Variants in AGPAT5 observed in about 807,000 individuals in gnomAD.
AGPAT5 encodes the protein 1-acyl-sn-glycerol-3-phosphate acyltransferase epsilon.
Under a neutral mutation model 45.6 loss-of-function variants are expected in AGPAT5, and 46 were observed. The ratio of observed to expected loss-of-function variants is 1.01; its 90% CI spans 0.80 to 1.29. AGPAT5 has a LOEUF of 1.29. Among genes scored for constraint, AGPAT5 ranks in the 50% most tolerant of loss-of-function variants. The pLI is 0.00. For synonymous variants in AGPAT5, 272 were observed against 167.0 expected (o/e 1.63, Z -4.85); for missense variants, 673 against 450.7 (o/e 1.49, Z -4.47).
At chr8:6,754,537 G>A (rs527900648) in intron 6 of AGPAT5, among the ~76,000 whole-genome samples, 1 of 152,262 alleles carries the variant, frequency 6.6e-6, no homozygotes, top group African/African-American at 2.4e-5. Flanking sequence ...GCGCCTGTGA[G>A]TGCCCAGCTG....
At chr8:6,720,679 G>C (rs1336380304) in intron 1 of AGPAT5, among the ~76,000 whole-genome samples, 1 of 152,164 alleles carries the variant, frequency 6.6e-6, no homozygotes, top group Non-Finnish European at 1.5e-5. Flanking sequence ...CATCAATCAC[G>C]CAGATCCAGT....
chr8:6,710,452 T>C (rs181113972), intron 1 of AGPAT5, among the ~76,000 whole-genome samples: 155 of 152,358 alleles, frequency 1.0e-3, no homozygotes, highest in African/African-American at 3.5e-3. Context: ...TAAGTATAAT[T>C]CAAAATTTTG....
chr8:6,719,810 A>G (rs926385047), intron 1 of AGPAT5, among the ~76,000 whole-genome samples: 3 of 152,212 alleles, frequency 2.0e-5, no homozygotes, highest in African/African-American at 7.2e-5. Flanking sequence ...GGTATTCTAC[A>G]TGATAATCAT....
intron 4 of AGPAT5, among the ~76,000 whole-genome samples, chr8:6,740,374 A>C (rs1801207201): frequency 1.3e-5 from 2 of 151,628 alleles, no homozygotes; most frequent in South Asian, 4.1e-4. Flanking sequence ...TTGCTATAAT[A>C]TAATAAGGAA....
At chr8:6,750,584 T>C (rs1211134207) in intron 6 of AGPAT5, among the ~76,000 whole-genome samples, 1 of 152,236 alleles carries the variant, frequency 6.6e-6, no homozygotes, top group African/African-American at 2.4e-5. Context: ...GTCATTTCCT[T>C]CTTGCGTAAA....
intron 6 of AGPAT5, among the ~76,000 whole-genome samples, chr8:6,754,447 C>A (rs1395126561): frequency 6.6e-6 from 1 of 152,258 alleles, no homozygotes; most frequent in South Asian, 2.1e-4. Context: ...GCAATTGCTC[C>A]CCCAAGTTTG....
intron 5 of AGPAT5, among the ~76,000 whole-genome samples, chr8:6,744,674 C>A (rs1252385817): frequency 1.3e-5 from 2 of 152,218 alleles, no homozygotes; most frequent in African/African-American, 4.8e-5. Flanking sequence ...CTCGCCCACA[C>A]CATATAGCTG....
rs2116880568 is a variant in AGPAT5, at chr8:6,724,873, T to C, written c.223T>C (p.Leu75=). The C allele has an allele frequency of 1.0e-6, 1 of 1,004,604 alleles. No homozygotes were observed. Among genetic ancestry groups the C allele is most frequent in the Non-Finnish European group, 1.4e-6 (1 of 736,570 alleles). The allele number at this position is 1,004,604 out of a possible 1,614,324, so 62.2% of individuals were successfully genotyped here. ...GTTTTTTTGTTTTATCTTTTAGATA[T>C]TGCTATATGGAGATTTGCCAAAAAA... is the stretch of plus-strand genomic sequence containing the variant. ...FFENYTGVQI[L]LYGDLPKNKE... Residue 75 remains leucine, a synonymous_variant, in exon 2 of 8, where the codon TTG becomes CTG. Transcript: ENST00000285518.
intron 4 of AGPAT5, among the ~76,000 whole-genome samples, chr8:6,733,911 T>G (rs1800951357): frequency 6.6e-6 from 1 of 152,146 alleles, no homozygotes; most frequent in African/African-American, 2.4e-5. Context: ...GCCCCTTGCT[T>G]TTTTGCCCCC....
In AGPAT5 at chr8:6,761,261, C is replaced by G. The variant is rs1446652587; in HGVS notation, c.*3873C>G. Among the ~76,000 whole-genome samples, 1 of 152,098 alleles carries G rather than the reference C, an allele frequency of 6.6e-6. No homozygotes were observed. Among genetic ancestry groups the G allele is most frequent in the Non-Finnish European group, 1.5e-5 (1 of 68,018 alleles). ...TGATGAAACAGATCAGTTTTTCCAT[C>G]CGGATTATTATTGGTTCATGATTTT... is the stretch of plus-strand genomic sequence containing the variant. On this transcript the variant is annotated 3_prime_UTR_variant, in exon 8 of 8. Coordinates refer to ENST00000285518, the MANE Select transcript of AGPAT5 (RefSeq NM_018361.5).
intron 6 of AGPAT5, among the ~76,000 whole-genome samples, chr8:6,748,965 A>G (rs1801566360): frequency 6.6e-6 from 1 of 152,198 alleles, no homozygotes; most frequent in Non-Finnish European, 1.5e-5. Flanking sequence ...ATTTTTAACT[A>G]CAACAAAACA....
intron 2 of AGPAT5, among the ~76,000 whole-genome samples, chr8:6,727,090 C>A (rs1330513851): frequency 6.6e-6 from 1 of 152,180 alleles, no homozygotes; most frequent in Non-Finnish European, 1.5e-5. Flanking sequence ...GGAATCACAA[C>A]AGAGTATCTC....
At chr8:6,752,674 T>G (rs551050460) in intron 6 of AGPAT5, among the ~76,000 whole-genome samples, 31 of 152,306 alleles carry the variant, frequency 2.0e-4, no homozygotes, top group Non-Finnish European at 2.2e-4. Flanking sequence ...TACTAGAAAT[T>G]TATGGGTAGA....
At chr8:6,717,760 C>T (rs1800378621) in intron 1 of AGPAT5, among the ~76,000 whole-genome samples, 1 of 152,118 alleles carries the variant, frequency 6.6e-6, no homozygotes, top group Admixed American at 6.5e-5. Context: ...AATTTGTGTT[C>T]ATATAGGAAT....
intron 1 of AGPAT5, among the ~76,000 whole-genome samples, chr8:6,712,195 C>T (rs756646354): frequency 2.0e-5 from 3 of 152,176 alleles, no homozygotes; most frequent in Non-Finnish European, 2.9e-5. Flanking sequence ...AGTTTACTTA[C>T]TTTCCCATAA....
At chr8:6,729,390 G>C (rs1175446337) in intron 2 of AGPAT5, among the ~76,000 whole-genome samples, 1 of 111,268 alleles carries the variant, frequency 9.0e-6, no homozygotes, top group Non-Finnish European at 1.8e-5. Flanking sequence ...CACTCCTTTT[G>C]TTCTCATTTT....
At chr8:6,733,475 T>A (rs1364655151) in intron 4 of AGPAT5, among the ~76,000 whole-genome samples, 1 of 152,152 alleles carries the variant, frequency 6.6e-6, no homozygotes, top group Non-Finnish European at 1.5e-5. Flanking sequence ...CTTCTAGGTG[T>A]TTTTACATTA....
intron 4 of AGPAT5, among the ~76,000 whole-genome samples, chr8:6,734,928 C>T (rs1272640257): frequency 2.0e-5 from 3 of 152,152 alleles, no homozygotes; most frequent in Non-Finnish European, 4.4e-5. Flanking sequence ...ATTTCACACT[C>T]AGCGTTTTCA....
At chr8:6,754,502 G>A (rs1006022979) in intron 6 of AGPAT5, among the ~76,000 whole-genome samples, 3 of 152,166 alleles carry the variant, frequency 2.0e-5, no homozygotes, top group Admixed American at 6.5e-5. Context: ...TGTGTCAGGC[G>A]ACAAGCAAAG....
Sources: gnomAD v4.1 joint callset for allele counts (sites outside exome capture counted in the v4.1 genomes callset) on GRCh38, gnomAD v4.1.1 for gene constraint, MANE v1.5 for transcripts, NCBI Gene and HGNC (gene_info 2026-07-23, HGNC 2026-07-21) for gene names.